The following SSBP2 variants were observed in gnomAD, a reference collection of about 807,000 sequenced individuals.
SSBP2 encodes single stranded DNA binding protein 2.
SSBP2 carries 17 observed loss-of-function variants against 61.8 expected under a neutral mutation model. The observed-to-expected ratio is 0.28, with a 90% CI of 0.19 to 0.41. SSBP2 has a LOEUF of 0.41. SSBP2 is among the 10% of genes least tolerant of loss of function. The pLI is 1.00. For missense variants in SSBP2, 310 were observed against 458.7 expected (o/e 0.68, Z 2.96); for synonymous variants, 139 against 141.3 (o/e 0.98, Z 0.12).
chr5:81,680,778 T>C (rs887783717), intron 1 of SSBP2, among the ~76,000 whole-genome samples: 2 of 152,164 alleles, frequency 1.3e-5, no homozygotes, highest in South Asian at 2.1e-4. Context: ...TAAAAACTGA[T>C]AGAACTACAA....
At chr5:81,614,920 G>A (rs1488407746) in intron 4 of SSBP2, 1 of 151,542 alleles carries the variant, frequency 6.6e-6, no homozygotes, top group Non-Finnish European at 1.5e-5. Flanking sequence ...CGTTCCTTAA[G>A]AATTAAAAAA....
chr5:81,548,734 AAC>A (rs1355160224), intron 4 of SSBP2, among the ~76,000 whole-genome samples: 4 of 152,148 alleles, frequency 2.6e-5, no homozygotes, highest in African/African-American at 7.2e-5. Context: ...CACCCTGGCT[AAC>A]ACAGTGAAAT....
At chr5:81,626,625 A>T (rs1581199561) in intron 3 of SSBP2, among the ~76,000 whole-genome samples, 1 of 152,322 alleles carries the variant, frequency 6.6e-6, no homozygotes, top group East Asian at 1.9e-4. Flanking sequence ...CAGCAAGCAC[A>T]TTGTTAGCCT....
intron 1 of SSBP2, among the ~76,000 whole-genome samples, chr5:81,691,678 T>C (rs74654009): frequency 0.029 from 4,387 of 152,108 alleles, 80 homozygotes; most frequent in Non-Finnish European, 0.046. Flanking sequence ...TTCTGAAATA[T>C]AGAAGAGGAG....
intron 9 of SSBP2, among the ~76,000 whole-genome samples, chr5:81,465,961 T>C (rs552932292): frequency 4.1e-4 from 62 of 152,108 alleles, no homozygotes; most frequent in African/African-American, 1.5e-3. Context: ...TCAGGCAAAT[T>C]TGCTTTCCAT....
chr5:81,537,965 A>G (rs1045187837), intron 4 of SSBP2, among the ~76,000 whole-genome samples: 1 of 152,182 alleles, frequency 6.6e-6, no homozygotes, highest in Admixed American at 6.5e-5. Context: ...AAATTAGGCC[A>G]ATTAATAACC....
chr5:81,609,963 C>A (rs535871167), intron 4 of SSBP2, among the ~76,000 whole-genome samples: 1 of 152,238 alleles, frequency 6.6e-6, no homozygotes, highest in Admixed American at 6.5e-5. Context: ...ACTCTCTCCA[C>A]TGAGAACTGT....
intron 6 of SSBP2, among the ~76,000 whole-genome samples, chr5:81,477,892 G>T (rs2154027824): frequency 6.6e-6 from 1 of 152,170 alleles, no homozygotes; most frequent in Middle Eastern, 3.4e-3. Flanking sequence ...ATGAAACAGA[G>T]TTCAAAGAAT....
intron 4 of SSBP2, among the ~76,000 whole-genome samples, chr5:81,579,799 T>A (rs890251877): frequency 6.6e-5 from 10 of 152,156 alleles, no homozygotes; most frequent in Admixed American, 6.5e-4. Flanking sequence ...CTTTTGCCAG[T>A]TCCTGTCTGG....
chr5:81,614,749 G>A (rs1315449803), intron 4 of SSBP2, among the ~76,000 whole-genome samples: 1 of 151,900 alleles, frequency 6.6e-6, no homozygotes, highest in East Asian at 1.9e-4. Context: ...GGTTAGTTCT[G>A]CAAACATGTT....
In SSBP2 at chr5:81,488,054, TATATAA is replaced by T. The variant is rs1211552877; in HGVS notation, c.432+1190_432+1195del. 3.7e-4 allele frequency among the ~76,000 whole-genome samples: 21 copies of T among 56,528 alleles called. 1 individual carries two copies. The South Asian group carries it at 3.7e-3, about 10-fold the overall frequency. 37.1% of individuals were successfully genotyped at this position (56,528 alleles called of 152,430 possible). ...ATATATATATATATATATATATATA[TATATAA>T]ATAAAATATCATATATTATATATAT... On this transcript the variant is annotated intron_variant, in intron 6 of 16. Coordinates refer to ENST00000320672, the MANE Select transcript of SSBP2 (RefSeq NM_012446.5).
chr5:81,688,357 G>A (rs1213960152), intron 1 of SSBP2, among the ~76,000 whole-genome samples: 1 of 152,190 alleles, frequency 6.6e-6, no homozygotes, highest in Non-Finnish European at 1.5e-5. Context: ...TTGCCGCCCT[G>A]AAACAAAGAA....
At chr5:81,423,603 G>A (rs1761750713) in intron 16 of SSBP2, among the ~76,000 whole-genome samples, 1 of 152,138 alleles carries the variant, frequency 6.6e-6, no homozygotes, top group Non-Finnish European at 1.5e-5. Flanking sequence ...AAGTTAGCCA[G>A]GCGAGGTGGC....
chr5:81,667,286 TACACACACACAC>T (rs71605804), intron 1 of SSBP2, among the ~76,000 whole-genome samples: 266 of 133,818 alleles, frequency 2.0e-3, no homozygotes, highest in African/African-American at 4.4e-3. Flanking sequence ...GGGATACAGA[TACACACACACAC>T]ACACACACAC....
At chr5:81,712,228 T>C (rs908418027) in intron 1 of SSBP2, among the ~76,000 whole-genome samples, 1 of 151,534 alleles carries the variant, frequency 6.6e-6, no homozygotes, top group African/African-American at 2.4e-5. Flanking sequence ...AGTTTATGTG[T>C]TTCTGCTCCT....
intron 4 of SSBP2, among the ~76,000 whole-genome samples, chr5:81,529,476 A>C (rs536479121): frequency 6.6e-6 from 1 of 152,254 alleles, no homozygotes; most frequent in South Asian, 2.1e-4. Context: ...TAAGTTGGTC[A>C]TGAGGGCAGG....
chr5:81,724,165 T>C (rs907677792), intron 1 of SSBP2, among the ~76,000 whole-genome samples: 1 of 152,042 alleles, frequency 6.6e-6, no homozygotes, highest in South Asian at 2.1e-4. Context: ...AGAGTAAGTG[T>C]GTTGAGGTAT....
intron 1 of SSBP2, among the ~76,000 whole-genome samples, chr5:81,676,127 A>G (rs1751960890): frequency 6.6e-6 from 1 of 152,178 alleles, no homozygotes; most frequent in Non-Finnish European, 1.5e-5. Context: ...ATGACACCAT[A>G]GCCACTCAGC....
intron 1 of SSBP2, among the ~76,000 whole-genome samples, chr5:81,660,507 A>T (rs928465660): frequency 3.3e-5 from 5 of 152,166 alleles, no homozygotes; most frequent in African/African-American, 1.2e-4. Context: ...TCAGGAAACA[A>T]CAGATGCTGG....
Sources: gnomAD v4.1 joint callset for allele counts (sites outside exome capture counted in the v4.1 genomes callset) on GRCh38, gnomAD v4.1.1 for gene constraint, MANE v1.5 for transcripts, NCBI Gene and HGNC (gene_info 2026-07-23, HGNC 2026-07-21) for gene names.